The following PPP1CB variants were observed in gnomAD, a reference collection of about 807,000 sequenced individuals.
The protein encoded by PPP1CB is serine/threonine-protein phosphatase PP1-beta catalytic subunit.
A neutral mutation model predicts 43.7 loss-of-function variants in PPP1CB; 2 were observed. That is an observed-to-expected ratio of 0.05 (90% CI 0.02 to 0.14). PPP1CB has a LOEUF of 0.14. PPP1CB is among the 10% of genes least tolerant of loss of function. PPP1CB has a pLI of 1.00. For missense variants in PPP1CB, 84 were observed against 398.0 expected, an observed-to-expected ratio of 0.21 and a Z score of 6.71; for synonymous variants, 136 against 135.6, an observed-to-expected ratio of 1.00 and a Z score of -0.02.
At chr2:28,770,875 T>C (rs1233303655) in intron 1 of PPP1CB, among the ~76,000 whole-genome samples, 1 of 152,170 alleles carries the variant, frequency 6.6e-6, no homozygotes, top group African/African-American at 2.4e-5. Flanking sequence ...ACATCACAGA[T>C]GTCAGCCAAA....
intron 1 of PPP1CB, among the ~76,000 whole-genome samples, chr2:28,775,565 C>G (rs1415524790): frequency 6.6e-6 from 1 of 152,116 alleles, no homozygotes; most frequent in African/African-American, 2.4e-5. Context: ...TTTGTTGACA[C>G]AGGGCCTTGC....
intron 1 of PPP1CB, among the ~76,000 whole-genome samples, chr2:28,771,508 G>A (rs1397089315): frequency 6.6e-6 from 1 of 152,100 alleles, no homozygotes; most frequent in Non-Finnish European, 1.5e-5. Flanking sequence ...TAGTAATTAA[G>A]ACATTGTGGT....
chr2:28,774,133 G>A lies in PPP1CB; in HGVS notation c.53-2718G>A, dbSNP rs182592171. Among the ~76,000 whole-genome samples, 998 of 152,266 alleles carry A rather than the reference G, an allele frequency of 6.6e-3. 14 individuals are homozygous for A. Among genetic ancestry groups the A allele is most frequent in the African/African-American group, 0.022 (927 of 41,554 alleles). On this transcript the variant is annotated intron_variant, in intron 1 of 7. Coordinates refer to ENST00000395366, the MANE Select transcript of PPP1CB (RefSeq NM_002709.3). ...AAAATGTTACACAATTACTTGAGAA[G>A]TGAAAATTATACAGAGGGAATAAAA...
At chr2:28,773,037 C>T (rs892786200) in intron 1 of PPP1CB, among the ~76,000 whole-genome samples, 1 of 151,972 alleles carries the variant, frequency 6.6e-6, no homozygotes, top group Non-Finnish European at 1.5e-5. Flanking sequence ...AGGATAGTAA[C>T]CTCAGGCATT....
rs2148050078 is a variant in PPP1CB at position 28,779,048 on chromosome 2, A to G, written c.415+9A>G. The G allele has an allele frequency of 2.0e-6, 3 of 1,529,148 alleles. No homozygotes were observed. The highest frequency in any genetic ancestry group is 2.7e-6 in the Non-Finnish European group (3 of 1,112,684). The allele number at this position is 1,529,148 out of a possible 1,614,324, so 94.7% of individuals were successfully genotyped here. A position where few individuals can be genotyped will look rare whatever the true frequency, so the allele number is the denominator to read the frequency against. ...TGGATTCTATGATGAATGTAAGTGAAAATAAAGACTTAGAAAAGTAATTCA... is the reference window on the plus strand; with the variant it reads ...TGGATTCTATGATGAATGTAAGTGAGAATAAAGACTTAGAAAAGTAATTCA... On this transcript the variant is annotated intron_variant, in intron 3 of 7. Coordinates refer to ENST00000395366, the MANE Select transcript of PPP1CB (RefSeq NM_002709.3).
chr2:28,802,363 G>A lies in PPP1CB; in HGVS notation c.*3060G>A, dbSNP rs1019280871. The A allele has an allele frequency of 3.3e-5, 5 of 152,098 alleles. No individual in the cohort carries two copies. Among genetic ancestry groups the A allele is most frequent in the African/African-American group, 1.2e-4 (5 of 41,472 alleles). 9.4% of individuals were successfully genotyped at this position (152,098 alleles called of 1,614,324 possible). A position where few individuals can be genotyped will look rare whatever the true frequency, so the allele number is the denominator to read the frequency against. On this transcript the variant is annotated 3_prime_UTR_variant, in exon 8 of 8. Transcript: ENST00000395366. ...ATGTGTTTAGATTAGGAATATGGTC[G>A]GGCTGAATTTGCTGTTGCTCCCTAA... is the stretch of plus-strand genomic sequence containing the variant.
intron 1 of PPP1CB, among the ~76,000 whole-genome samples, chr2:28,760,565 C>G (rs950662107): frequency 6.6e-6 from 1 of 152,196 alleles, no homozygotes; most frequent in African/African-American, 2.4e-5. Context: ...AATCACCTCA[C>G]TGTGCATCTC....
chr2:28,766,341 A>T (rs1335389178), intron 1 of PPP1CB, among the ~76,000 whole-genome samples: 2 of 152,248 alleles, frequency 1.3e-5, no homozygotes, highest in Non-Finnish European at 1.5e-5. Context: ...ATTAGAGCAA[A>T]TGAAGTTGAC....
chr2:28,783,406 A>G (rs943422179), intron 4 of PPP1CB, among the ~76,000 whole-genome samples: 6 of 152,196 alleles, frequency 3.9e-5, no homozygotes, highest in Non-Finnish European at 7.3e-5. Flanking sequence ...GAAAAAAACA[A>G]TTATAATGCT....
chr2:28,777,915 A>G (rs1268900223), intron 2 of PPP1CB, among the ~76,000 whole-genome samples: 1 of 152,206 alleles, frequency 6.6e-6, no homozygotes, highest in South Asian at 2.1e-4. Context: ...TGGCCTCCCA[A>G]AATGCTGGGA....
At chr2:28,774,269 A>G (rs188009586) in intron 1 of PPP1CB, among the ~76,000 whole-genome samples, 32 of 152,320 alleles carry the variant, frequency 2.1e-4, no homozygotes, top group Non-Finnish European at 4.1e-4. Context: ...CTAAGTTTTG[A>G]TAATGTACTG....
At chr2:28,796,132 C>A (rs1242438472) in intron 7 of PPP1CB, among the ~76,000 whole-genome samples, 3 of 152,120 alleles carry the variant, frequency 2.0e-5, no homozygotes, top group African/African-American at 7.2e-5. Context: ...CTCCTCCATC[C>A]TGTTCCATTG....
chr2:28,783,824 T>G (rs1017866294), intron 4 of PPP1CB, 83 bp from the exon 5 acceptor site: 6 of 930,766 alleles, frequency 6.4e-6, no homozygotes, highest in Non-Finnish European at 1.0e-5. Context: ...GAATCTATTT[T>G]GATTAAATGC....
chr2:28,787,711 G>A (rs188091358), intron 5 of PPP1CB, among the ~76,000 whole-genome samples: 28 of 152,238 alleles, frequency 1.8e-4, no homozygotes, highest in Non-Finnish European at 2.5e-4. Flanking sequence ...TTCGGGATAC[G>A]TTTACTATAC....
chr2:28,759,993 AAAAG>A (rs1666604419), intron 1 of PPP1CB, among the ~76,000 whole-genome samples: 1 of 152,118 alleles, frequency 6.6e-6, no homozygotes, highest in East Asian at 1.9e-4. Flanking sequence ...TTCCAGGAAA[AAAAG>A]CTTCGTTATC....
chr2:28,790,507 T>G (rs1667364400), intron 6 of PPP1CB, among the ~76,000 whole-genome samples: 1 of 151,864 alleles, frequency 6.6e-6, no homozygotes, highest in Non-Finnish European at 1.5e-5. Context: ...GCCTGGCTAA[T>G]TTTTGTATTT....
intron 3 of PPP1CB, among the ~76,000 whole-genome samples, chr2:28,781,281 A>G (rs560682026): frequency 2.0e-5 from 3 of 152,294 alleles, no homozygotes; most frequent in East Asian, 3.9e-4. Flanking sequence ...GTATATATAC[A>G]TTGCAGAATG....
chr2:28,795,904 T>G (rs541912925), intron 7 of PPP1CB, among the ~76,000 whole-genome samples: 1 of 152,334 alleles, frequency 6.6e-6, no homozygotes, highest in South Asian at 2.1e-4. Context: ...CTAGGTTTTC[T>G]TCTAGGGTTT....
At chr2:28,787,173 T>A (rs1667286237) in intron 5 of PPP1CB, among the ~76,000 whole-genome samples, 1 of 152,134 alleles carries the variant, frequency 6.6e-6, no homozygotes, top group East Asian at 1.9e-4. Flanking sequence ...AAAAATTATC[T>A]TCTTGGCTGG....
Sources: gnomAD v4.1 joint callset for allele counts (sites outside exome capture counted in the v4.1 genomes callset) on GRCh38, gnomAD v4.1.1 for gene constraint, MANE v1.5 for transcripts, NCBI Gene and HGNC (gene_info 2026-07-23, HGNC 2026-07-21) for gene names.